The following CLMN variants were observed in gnomAD, a reference collection of about 807,000 sequenced individuals.
CLMN encodes calmin, also known as calmin (calponin-like, transmembrane).
Under a neutral mutation model 92.7 loss-of-function variants are expected in CLMN, and 57 were observed. The ratio of observed to expected loss-of-function variants is 0.61; its 90% CI spans 0.50 to 0.77. The LOEUF is 0.77. Ranked by LOEUF, CLMN falls within the 30% of genes least tolerant of loss-of-function variation. The probability of loss-of-function intolerance (pLI) is 0.00; values close to 1 mark genes in which losing one functional copy is unlikely to be tolerated. For synonymous variants in CLMN, 466 were observed against 470.6 expected, an observed-to-expected ratio of 0.99 and a Z score of 0.13; for missense variants, 1,158 against 1,237.5, an observed-to-expected ratio of 0.94 and a Z score of 0.96.
chr14:95,201,248 G>A (rs1465505795), intron 9 of CLMN, among the ~76,000 whole-genome samples: 1 of 151,460 alleles, frequency 6.6e-6, no homozygotes, highest in East Asian at 1.9e-4. Context: ...TTGTTATGTA[G>A]GTATATTGCA....
chr14:95,220,448 A>T (rs1424050276), intron 4 of CLMN, among the ~76,000 whole-genome samples: 1 of 152,136 alleles, frequency 6.6e-6, no homozygotes, highest in African/African-American at 2.4e-5. Context: ...AAGTGCTGGG[A>T]TTACAGGCGT....
chr14:95,277,336 C>T (rs954175642), intron 1 of CLMN, among the ~76,000 whole-genome samples: 2 of 152,214 alleles, frequency 1.3e-5, no homozygotes, highest in African/African-American at 4.8e-5. Flanking sequence ...ATAAACTTTG[C>T]TGCTGCAGGT....
At chr14:95,245,917 TGG>T (rs1898553216) in intron 1 of CLMN, among the ~76,000 whole-genome samples, 2 of 151,550 alleles carry the variant, frequency 1.3e-5, no homozygotes, top group African/African-American at 4.9e-5. Context: ...GATGGATGGA[TGG>T]ATGGATGGAT....
Position 95,194,266 on chromosome 14 carries a change from C to CG in CLMN, c.2769+269dup, listed in dbSNP as rs1491050537. On this transcript the variant is annotated intron_variant, in intron 11 of 12. Transcript: ENST00000298912. The surrounding 1 kb of genome is among the most constrained non-coding windows in gnomAD (Gnocchi z 4.0). ...TGAACGTGATCCTTCTGGGTGCGCG[C>CG]GGGGTCCAGGTGAGGCGTTTTGGGT... 1 of 1,382,014 alleles carries CG rather than the reference C, an allele frequency of 7.2e-7. No homozygotes were observed. The highest frequency in any genetic ancestry group is 1.7e-5 in the African/African-American group (1 of 60,000). The allele number at this position is 1,382,014 out of a possible 1,614,324, so 85.6% of individuals were successfully genotyped here. A position where few individuals can be genotyped will look rare whatever the true frequency, so the allele number is the denominator to read the frequency against.
intron 1 of CLMN, among the ~76,000 whole-genome samples, chr14:95,269,309 T>A (rs985413470): frequency 1.3e-5 from 2 of 152,260 alleles, no homozygotes; most frequent in Non-Finnish European, 2.9e-5. Flanking sequence ...GTGTTATATA[T>A]GAATGTATTA....
At chr14:95,303,929 A>G (rs28645954) in intron 1 of CLMN, among the ~76,000 whole-genome samples, 47,459 of 152,182 alleles carry the variant, frequency 0.31, 7,735 homozygotes, top group East Asian at 0.61. Context: ...TATGCATTAC[A>G]TATTTAGATA....
At chr14:95,197,578 AGAG>A (rs919948132) in intron 9 of CLMN, among the ~76,000 whole-genome samples, 36 of 152,272 alleles carry the variant, frequency 2.4e-4, no homozygotes, top group African/African-American at 8.2e-4. Flanking sequence ...AGGCAGGTGT[AGAG>A]TTTTCAGGAT....
At chr14:95,290,383 G>A (rs117656961) in intron 1 of CLMN, among the ~76,000 whole-genome samples, 1 of 152,246 alleles carries the variant, frequency 6.6e-6, no homozygotes, top group African/African-American at 2.4e-5. Context: ...AGATGGAGAA[G>A]TTTTCCCGTA....
At chr14:95,213,065 G>T (rs1379504306) in intron 6 of CLMN, among the ~76,000 whole-genome samples, 154 bp downstream of exon 6, 1 of 152,184 alleles carries the variant, frequency 6.6e-6, no homozygotes, top group Admixed American at 6.5e-5. Flanking sequence ...GGGATTACAG[G>T]CATGAGCCAC....
chr14:95,207,108 A>G (rs1408960185), intron 8 of CLMN, among the ~76,000 whole-genome samples: 1 of 152,142 alleles, frequency 6.6e-6, no homozygotes, highest in Non-Finnish European at 1.5e-5. Context: ...GACAAATAAT[A>G]ATTGTATATA....
rs1897544586 is a variant in CLMN at position 95,221,684 on chromosome 14, C to G, written c.324+7G>C. On this transcript the variant is annotated splice_region_variant and intron_variant, in intron 4 of 12. Coordinates refer to ENST00000298912, the MANE Select transcript of CLMN (RefSeq NM_024734.4). The stretch of plus-strand genomic sequence containing the variant: ...TTGTGTTAGCAGGATGAGCTTCAAA[C>G]ACTTACATTGCTATCTTCCAAAAAC... 6.2e-7 allele frequency: 1 copy of G among 1,612,128 alleles called. No individual in the cohort carries two copies.
chr14:95,236,281 C>T (rs959513468), intron 1 of CLMN, among the ~76,000 whole-genome samples: 6 of 152,300 alleles, frequency 3.9e-5, no homozygotes, highest in East Asian at 3.9e-4. Flanking sequence ...GTCCTGGGGG[C>T]ATGTGCTCTT....
intron 2 of CLMN, among the ~76,000 whole-genome samples, chr14:95,228,009 C>T (rs1486835907): frequency 1.3e-5 from 2 of 152,094 alleles, no homozygotes; most frequent in African/African-American, 2.4e-5. Flanking sequence ...TCAGAGTCGG[C>T]GCTACCCACC....
At chr14:95,269,304 A>ATTG (rs2140717763) in intron 1 of CLMN, among the ~76,000 whole-genome samples, 1 of 152,338 alleles carries the variant, frequency 6.6e-6, no homozygotes, top group East Asian at 1.9e-4. Context: ...CTACTGTGTT[A>ATTG]TATATGAATG....
At chr14:95,265,579 C>T (rs1899440892) in intron 1 of CLMN, among the ~76,000 whole-genome samples, 1 of 152,214 alleles carries the variant, frequency 6.6e-6, no homozygotes, top group African/African-American at 2.4e-5. Flanking sequence ...TGGCACAGTG[C>T]GTGCTACAAA....
At chr14:95,226,192 T>C (rs1310625722) in intron 2 of CLMN, among the ~76,000 whole-genome samples, 1 of 152,204 alleles carries the variant, frequency 6.6e-6, no homozygotes, top group Non-Finnish European at 1.5e-5. Flanking sequence ...CTCAAGTCCC[T>C]GATATATAAT....
At chr14:95,309,329 A>C (rs2140794089) in intron 1 of CLMN, among the ~76,000 whole-genome samples, 1 of 152,370 alleles carries the variant, frequency 6.6e-6, no homozygotes, top group South Asian at 2.1e-4. Context: ...CAACACAACC[A>C]GGACTCAGCT....
intron 1 of CLMN, among the ~76,000 whole-genome samples, chr14:95,311,975 C>T (rs1361179276): frequency 6.6e-6 from 1 of 152,154 alleles, no homozygotes; most frequent in African/African-American, 2.4e-5. Context: ...GGAAGCCTCC[C>T]CGGGTTTCTA....
At chr14:95,200,059 C>T (rs1420529361) in intron 9 of CLMN, among the ~76,000 whole-genome samples, 1 of 152,196 alleles carries the variant, frequency 6.6e-6, no homozygotes, top group African/African-American at 2.4e-5. Flanking sequence ...CAGTGACAGA[C>T]TGGGGAAGGG....
Sources: gnomAD v4.1 joint callset for allele counts (sites outside exome capture counted in the v4.1 genomes callset) on GRCh38, gnomAD v4.1.1 for gene constraint, Gnocchi (gnomAD v3.1) non-coding constraint, MANE v1.5 for transcripts, NCBI Gene and HGNC (gene_info 2026-07-23, HGNC 2026-07-21) for gene names.